NEB: variants seen among roughly 807,000 people sequenced by gnomAD.
The protein encoded by NEB is nemaline myopathy type 2.
NEB carries 512 observed loss-of-function variants against 952.2 expected under a neutral mutation model. The observed-to-expected ratio is 0.54, with a 90% confidence interval of 0.50 to 0.58. The LOEUF is 0.58. Ranked by LOEUF, NEB falls within the 20% of genes least tolerant of loss-of-function variation. The pLI, the probability that NEB is intolerant of heterozygous loss-of-function variation, is 0.00. For synonymous variants in NEB, 2,900 were observed against 3,149.8 expected, an observed-to-expected ratio of 0.92 and a Z score of 2.66; for missense variants, 8,428 against 9,231.1, an observed-to-expected ratio of 0.91 and a Z score of 3.56.
chr2:151,625,062 A>C (rs146263790), intron 71 of NEB, among the ~76,000 whole-genome samples: 44 of 152,302 alleles, frequency 2.9e-4, no homozygotes, highest in African/African-American at 1.0e-3. Context: ...AAAGTTTATT[A>C]AACAAATACT....
rs192754055 is a variant in NEB at position 151,505,376 on chromosome 2, G to A, written c.23742+102C>T. ...AGGGAGAATTCACAACATCCCCAAG[G>A]CATGGAAGCTCTTGATAGGAAGCAG... On this transcript the variant is annotated intron_variant, in intron 165 of 181. Transcript: ENST00000397345. 1.2e-5 allele frequency: 12 copies of A among 1,008,836 alleles called. No individual in the cohort carries two copies. The East Asian group carries it at 2.9e-4, about 24-fold the overall frequency. The allele number at this position is 1,008,836 out of a possible 1,614,324, so 62.5% of individuals were successfully genotyped here.
Position 151,534,269 on chromosome 2 carries a change from T to C in NEB, c.21313-723A>G, listed in dbSNP as rs202172327. On this transcript the variant is annotated intron_variant, in intron 142 of 181. Coordinates refer to ENST00000397345, the MANE Select transcript of NEB (RefSeq NM_001164508.2). ...CCAGCAGATGTCTAGGCTCATCGAC[T>C]ACCAGGTGGTATTTATCTTTCCGCT... 11 of 1,613,654 alleles carry C rather than the reference T, an allele frequency of 6.8e-6. No individual in the cohort carries two copies. Among genetic ancestry groups the C allele is most frequent in the Non-Finnish European group, 9.3e-6 (11 of 1,179,826 alleles).
At chr2:151,697,686 G>A (rs1379333540) in intron 13 of NEB, 38 bp from the exon 14 acceptor site, 11 of 1,321,746 alleles carry the variant, frequency 8.3e-6, no homozygotes, top group Non-Finnish European at 1.2e-5. Context: ...GTAGATTCCT[G>A]TCACTCCCAC....
intron 76 of NEB, among the ~76,000 whole-genome samples, chr2:151,615,519 T>A (rs2098163602): frequency 6.6e-6 from 1 of 152,334 alleles, no homozygotes; most frequent in Admixed American, 6.5e-5. Flanking sequence ...AATTAGGAGT[T>A]ACAAAGGACA....
At chr2:151,620,829 T>C in intron 72 of NEB, 90 bp downstream of exon 72, 1 of 996,092 alleles carries the variant, frequency 1.0e-6, no homozygotes. Context: ...CTGAAGGGAG[T>C]TAAGGTGGAT....
chr2:151,538,213 T>C lies in NEB; in HGVS notation c.20924A>G (p.Lys6975Arg), dbSNP rs1158495416. The C allele has an allele frequency of 6.2e-7, 1 of 1,613,174 alleles. No homozygotes were observed. The highest frequency in any genetic ancestry group is 1.1e-5 in the South Asian group (1 of 91,048). The change falls in exon 139 of 182, where the codon AAA (lysine) becomes AGA (arginine). Residue 6975 changes from lysine to arginine, a missense_variant. Lys to Arg is a conservative substitution (Grantham distance 26). Around this residue, in one of 11 missense-constraint regions of NEB, gnomAD observed 3,374 missense variants for 3,651.5 expected, o/e 0.92. Transcript: ENST00000397345. ...LRYKETFQKTKGKYHTVKDAL... is the reference protein window; with the variant it reads ...LRYKETFQKTRGKYHTVKDAL... The stretch of plus-strand genomic sequence containing the variant: ...ATCTTTCACCGTGTGGTATTTCCCT[T>C]TGGTCTTTTGAAATGTTTCTTTGTA...
At chr2:151,695,514 G>T in intron 18 of NEB, 64 bp downstream of exon 18, 2 of 1,115,224 alleles carry the variant, frequency 1.8e-6, no homozygotes, top group Non-Finnish European at 2.7e-6. Flanking sequence ...TTGCAACAAA[G>T]CAGTTCAAAC....
intron 9 of NEB, among the ~76,000 whole-genome samples, chr2:151,722,572 G>T (rs1450938199): frequency 1.3e-5 from 2 of 152,024 alleles, no homozygotes; most frequent in East Asian, 1.9e-4. Flanking sequence ...TAAGATGGAG[G>T]TCTCGCTGTT....
intron 24 of NEB, 42 bp from the exon 25 acceptor site, chr2:151,688,438 T>C: frequency 6.7e-7 from 1 of 1,489,524 alleles, no homozygotes; most frequent in Non-Finnish European, 9.3e-7. Flanking sequence ...GGGAACTTCT[T>C]TGAATTTATT....
chr2:151,512,667 T>G (rs561730361), intron 161 of NEB, 66 bp downstream of exon 161: 2 of 1,120,626 alleles, frequency 1.8e-6, no homozygotes, highest in South Asian at 2.6e-5. Context: ...AGGTATTTAT[T>G]AATGGAAGGA....
rs751860529 is a variant in NEB, at chr2:151,548,466, C to G, written c.20050-51G>C. 95 of 1,211,534 alleles carry G rather than the reference C, an allele frequency of 7.8e-5. 1 individual carries two copies. Among genetic ancestry groups the G allele is most frequent in the Non-Finnish European group, 1.0e-4 (85 of 815,536 alleles). The allele number at this position is 1,211,534 out of a possible 1,614,324, so 75.0% of individuals were successfully genotyped here. ...TCAATGATGGGTAAACAAGGACCAA[C>G]ATTACATTTCTCCAAATAGAAAAGA... On this transcript the variant is annotated intron_variant, in intron 130 of 181. Transcript: ENST00000397345.
chr2:151,513,663 C>A lies in NEB; in HGVS notation c.23158G>T (p.Val7720Phe). 2 of 1,607,580 alleles carry A rather than the reference C, an allele frequency of 1.2e-6. No individual in the cohort carries two copies. The highest frequency in any genetic ancestry group is 1.7e-6 in the Non-Finnish European group (2 of 1,176,810). The change falls in exon 160 of 182, where the codon GTC (valine) becomes TTC (phenylalanine). Residue 7720 changes from valine (V) to phenylalanine (F), a missense_variant. Transcript: ENST00000397345. ...KEYKRDLELE[V>F]KGRGLNAMAN... Reference sequence around the variant, plus strand: ...ATGGCATTCAGGCCTCTTCCTTTGACTTCCAGTTCCAGGTCTCGCTTATAT... The same window carrying A: ...ATGGCATTCAGGCCTCTTCCTTTGAATTCCAGTTCCAGGTCTCGCTTATAT...
At chr2:151,730,326 G>C (rs1195496518) in intron 3 of NEB, among the ~76,000 whole-genome samples, 2 of 152,116 alleles carry the variant, frequency 1.3e-5, no homozygotes, top group African/African-American at 2.4e-5. Flanking sequence ...CACAAAGTGT[G>C]GGAAAGGTAG....
In NEB at chr2:151,570,064, A is replaced by G; in HGVS notation, c.17430+17T>C. The G allele has an allele frequency of 6.3e-7, 1 of 1,591,696 alleles. No individual in the cohort carries two copies. The highest frequency in any genetic ancestry group is 8.6e-7 in the Non-Finnish European group (1 of 1,168,466). On this transcript the variant is annotated intron_variant, in intron 109 of 181. Coordinates refer to ENST00000397345, the MANE Select transcript of NEB (RefSeq NM_001164508.2). ...CAAACTGAGAAAAGAGTTCAACCCCAAATGCAGCCCACTCACATCGCTCTG... is the reference window on the plus strand; with the variant it reads ...CAAACTGAGAAAAGAGTTCAACCCCGAATGCAGCCCACTCACATCGCTCTG...
At chr2:151,594,528 G>C (rs1395375757) in intron 92 of NEB, among the ~76,000 whole-genome samples, 2 of 150,906 alleles carry the variant, frequency 1.3e-5, no homozygotes, top group African/African-American at 4.9e-5. Context: ...TCAGGAGGGA[G>C]ATGGTATGGT....
chr2:151,664,770 T>C lies in NEB; in HGVS notation c.5332A>G (p.Thr1778Ala). The C allele has an allele frequency of 1.9e-6, 3 of 1,608,626 alleles. No homozygotes were observed. The highest frequency in any genetic ancestry group is 2.6e-6 in the Non-Finnish European group (3 of 1,175,832). ...DILLSRVNQITMSDKLYKAGW... is the reference protein window; with the variant it reads ...DILLSRVNQIAMSDKLYKAGW... ...GTTAACCTACTTACATCACTCATGG[T>C]GATTTGGTTTACTCTGGAGAGTAAA... The change falls in exon 43 of 182, where the codon ACC (threonine) becomes GCC (alanine). Residue 1778 changes from threonine (T) to alanine (A), a missense_variant. Transcript: ENST00000397345.
In NEB at chr2:151,627,765, G is replaced by A. The variant is rs1331208037; in HGVS notation, c.9901C>T (p.Pro3301Ser). The change falls in exon 69 of 182, where the codon CCC (proline) becomes TCC (serine). Residue 3301 changes from proline (P) to serine (S), a missense_variant. Pro to Ser is a moderately conservative substitution (Grantham distance 74). Around this residue, in one of 11 missense-constraint regions of NEB, gnomAD observed 1,772 missense variants for 1,960.3 expected, o/e 0.90. Transcript: ENST00000397345. The part of the protein sequence containing the change: ...HIGARNIEDD[P>S]KMMWSMHVAK... ...ACATGCATGGACCACATCATCTTGG[G>A]GTCATCTTCAATGTTCCGGGCTCCA... The A allele has an allele frequency of 6.2e-7, 1 of 1,613,788 alleles. No homozygotes were observed. Among genetic ancestry groups the A allele is most frequent in the African/African-American group, 1.3e-5 (1 of 74,890 alleles).
Position 151,493,845 on chromosome 2 carries a change from C to T in NEB, c.24602G>A (p.Gly8201Glu). Residue 8201 changes from glycine to glutamate, a missense_variant, in exon 175 of 182, where the codon GGG becomes GAG. By Grantham distance (98) the Gly-to-Glu change is moderately conservative. This residue lies in a region of NEB where 3,374 missense variants were observed against 3,651.5 expected (regional missense o/e 0.92). Coordinates refer to ENST00000397345, the MANE Select transcript of NEB (RefSeq NM_001164508.2). ...ISSVLYKENLGKATPTPFTPE... is the reference protein window; with the variant it reads ...ISSVLYKENLEKATPTPFTPE... ...AGTAAAGGGTGTGGGGGTTGCTTTC[C>T]CCAGGTTCTCTTTGTATAACACCTG... 6.4e-7 allele frequency: 1 copy of T among 1,573,980 alleles called. No individual in the cohort carries two copies. Among genetic ancestry groups the T allele is most frequent in the Non-Finnish European group, 8.6e-7 (1 of 1,159,186 alleles).
At chr2:151,647,356 T>G (rs2098973936) in intron 54 of NEB, among the ~76,000 whole-genome samples, 1 of 150,472 alleles carries the variant, frequency 6.6e-6, no homozygotes, top group Non-Finnish European at 1.5e-5. Context: ...GTGATCCACC[T>G]GCCTCGGCCT....
Sources: gnomAD v4.1 joint callset for allele counts (sites outside exome capture counted in the v4.1 genomes callset) on GRCh38, gnomAD v4.1.1 for gene constraint, gnomAD v4.1.1 regional missense constraint, MANE v1.5 for transcripts, NCBI Gene and HGNC (gene_info 2026-07-23, HGNC 2026-07-21) for gene names.